Variants in COG5 observed in about 807,000 individuals in gnomAD.
The protein encoded by COG5 is component of oligomeric golgi complex 5.
COG5 carries 86 observed loss-of-function variants against 110.4 expected under a neutral mutation model. The ratio of observed to expected loss-of-function variants is 0.78; its 90% CI spans 0.65 to 0.93. The LOEUF (loss-of-function observed/expected upper bound fraction) is 0.93. Ranked by LOEUF, COG5 falls within the 40% of genes least tolerant of loss-of-function variation. The pLI is 0.00. For synonymous variants in COG5, 360 were observed against 334.6 expected (o/e 1.08, Z -0.83); for missense variants, 1,077 against 987.0 (o/e 1.09, Z -1.22).
intron 3 of COG5, among the ~76,000 whole-genome samples, chr7:107,548,744 T>G (rs1802654127): frequency 6.6e-6 from 1 of 152,218 alleles, no homozygotes; most frequent in South Asian, 2.1e-4. Context: ...TGACTGATCC[T>G]CCATGATATC....
intron 6 of COG5, among the ~76,000 whole-genome samples, chr7:107,510,858 C>T (rs1316927401): frequency 6.6e-6 from 1 of 152,162 alleles, no homozygotes; most frequent in Middle Eastern, 3.2e-3. Context: ...GAAACAAAGA[C>T]ACAACATACC....
At position 107,369,366 on chromosome 7, in the gene COG5, A is replaced by T. The variant is rs532329811; in HGVS notation, c.835+3229T>A. Among the ~76,000 whole-genome samples, 101 of 151,102 alleles carry T rather than the reference A, an allele frequency of 6.7e-4. 4 individuals are homozygous for T. Among genetic ancestry groups the T allele is most frequent in the Non-Finnish European group, 6.9e-4 (47 of 67,908 alleles). ...TTGTACTTTTTCACTATTTGTAAAC[A>T]ATGAGGTAACAAAAATTCTTTTTTT... On this transcript the variant is annotated intron_variant, in intron 8 of 21. Coordinates refer to ENST00000297135, the MANE Select transcript of COG5 (RefSeq NM_006348.5).
intron 10 of COG5, among the ~76,000 whole-genome samples, chr7:107,344,473 C>A (rs1342796254): frequency 6.6e-6 from 1 of 152,174 alleles, no homozygotes; most frequent in Non-Finnish European, 1.5e-5. Context: ...GCTTGATCTT[C>A]TATTCAGACC....
intron 6 of COG5, among the ~76,000 whole-genome samples, chr7:107,495,214 G>A (rs1461821298): frequency 6.6e-6 from 1 of 152,088 alleles, no homozygotes; most frequent in African/African-American, 2.4e-5. Context: ...GAAAGGATAG[G>A]GAAGAAACAC....
intron 5 of COG5, among the ~76,000 whole-genome samples, chr7:107,538,474 T>C (rs917531784): frequency 2.6e-5 from 4 of 152,162 alleles, no homozygotes; most frequent in African/African-American, 4.8e-5. Context: ...CTTTCGCCTA[T>C]TAAACTTCCA....
intron 1 of COG5, among the ~76,000 whole-genome samples, chr7:107,558,914 C>CAAAAAAAAAAAAAAAAAAAACCA (rs1803548567): frequency 3.2e-5 from 1 of 31,176 alleles, no homozygotes; most frequent in African/African-American, 8.5e-5. Context: ...GACTTCATCT[C>CAAAAAAAAAAAAAAAAAAAACCA]AAAAAAAAAA....
chr7:107,388,073 T>C (rs1790337563), intron 7 of COG5, among the ~76,000 whole-genome samples: 1 of 152,174 alleles, frequency 6.6e-6, no homozygotes. Context: ...CATCAATTTT[T>C]CCACCAAAAT....
chr7:107,400,318 T>C (rs1239216493), intron 7 of COG5, among the ~76,000 whole-genome samples: 1 of 130,986 alleles, frequency 7.6e-6, no homozygotes, highest in Non-Finnish European at 1.7e-5. Context: ...TGTATAACTC[T>C]AATTATGTAA....
Position 107,320,134 on chromosome 7 carries a change from T to C in COG5, c.1108+4306A>G, listed in dbSNP as rs866222634. On this transcript the variant is annotated intron_variant, in intron 11 of 21. Transcript: ENST00000297135. The stretch of plus-strand genomic sequence containing the variant: ...AGGAGAATGAGGTGGCAAGACGGCA[T>C]AGACAAGATAAAAAATTGTGTCAAC... 1.2e-4 allele frequency among the ~76,000 whole-genome samples: 18 copies of C among 152,232 alleles called. 1 individual carries two copies. In the South Asian group the frequency reaches 1.2e-3, roughly 11 times the overall value.
chr7:107,437,940 C>A (rs1794465524), intron 6 of COG5, among the ~76,000 whole-genome samples: 1 of 152,086 alleles, frequency 6.6e-6, no homozygotes, highest in East Asian at 1.9e-4. Flanking sequence ...AGTTAACATG[C>A]AAGAAATGGC....
intron 17 of COG5, among the ~76,000 whole-genome samples, chr7:107,242,480 C>T (rs572009533): frequency 2.0e-5 from 3 of 152,346 alleles, no homozygotes; most frequent in East Asian, 3.9e-4. Flanking sequence ...CCTGGGCCTC[C>T]AGCCATCCCC....
intron 16 of COG5, among the ~76,000 whole-genome samples, chr7:107,254,686 T>A (rs532063388): frequency 6.6e-6 from 1 of 152,132 alleles, no homozygotes; most frequent in Non-Finnish European, 1.5e-5. Context: ...CTCCAGCTAA[T>A]ATATTAAAAG....
intron 6 of COG5, among the ~76,000 whole-genome samples, chr7:107,463,693 G>A (rs1796137932): frequency 6.6e-6 from 1 of 152,142 alleles, no homozygotes; most frequent in African/African-American, 2.4e-5. Flanking sequence ...GCACAAAAGG[G>A]ACTACAGCCA....
chr7:107,462,915 A>G (rs1796087424), intron 6 of COG5, among the ~76,000 whole-genome samples: 1 of 152,236 alleles, frequency 6.6e-6, no homozygotes, highest in African/African-American at 2.4e-5. Context: ...TTCTAACAGC[A>G]GACCTGAAGG....
intron 8 of COG5, among the ~76,000 whole-genome samples, chr7:107,364,166 CACA>C (rs1425339118): frequency 6.6e-6 from 1 of 152,086 alleles, no homozygotes; most frequent in Non-Finnish European, 1.5e-5. Flanking sequence ...ATAGGAAGTA[CACA>C]ACATCATCTT....
intron 11 of COG5, among the ~76,000 whole-genome samples, chr7:107,320,304 G>A (rs1205665635): frequency 6.6e-6 from 1 of 152,218 alleles, no homozygotes; most frequent in Middle Eastern, 3.4e-3. Context: ...CTATGTGAGC[G>A]ATGGCTTAAT....
At chr7:107,542,229 T>TA (rs1212205987) in intron 5 of COG5, among the ~76,000 whole-genome samples, 7 of 152,064 alleles carry the variant, frequency 4.6e-5, no homozygotes, top group African/African-American at 1.7e-4. Flanking sequence ...AAAAAATGGA[T>TA]AGGCAGAGGA....
intron 12 of COG5, among the ~76,000 whole-genome samples, chr7:107,294,992 CATATACACAT>C (rs1183845943): frequency 3.1e-5 from 4 of 128,744 alleles, no homozygotes; most frequent in Non-Finnish European, 6.5e-5. Context: ...TATATACACA[CATATACACAT>C]CTATATATAC....
intron 15 of COG5, among the ~76,000 whole-genome samples, chr7:107,257,909 AGCATTC>A (rs1203426386): frequency 6.6e-6 from 1 of 152,178 alleles, no homozygotes; most frequent in Non-Finnish European, 1.5e-5. Context: ...GGAGGGCTTC[AGCATTC>A]TTATTCTGTC....
Sources: gnomAD v4.1 joint callset for allele counts (sites outside exome capture counted in the v4.1 genomes callset) on GRCh38, gnomAD v4.1.1 for gene constraint, MANE v1.5 for transcripts, NCBI Gene and HGNC (gene_info 2026-07-23, HGNC 2026-07-21) for gene names.